The following STARD13 variants were observed in gnomAD, a reference collection of about 807,000 sequenced individuals.
The protein encoded by STARD13 is StAR related lipid transfer domain containing 13.
STARD13 carries 62 observed loss-of-function variants against 106.4 expected under a neutral mutation model. The observed-to-expected ratio is 0.58, with a 90% CI of 0.48 to 0.72. The LOEUF is 0.72. Ranked by LOEUF, STARD13 falls within the 30% of genes least tolerant of loss-of-function variation. STARD13 has a pLI of 0.00. For missense variants in STARD13, 1,387 were observed against 1,424.0 expected, an observed-to-expected ratio of 0.97 and a Z score of 0.42; for synonymous variants, 565 against 553.0, an observed-to-expected ratio of 1.02 and a Z score of -0.31.
chr13:33,645,744 G>C, the STARD13 span, among the ~76,000 whole-genome samples: 1 of 152,196 alleles, frequency 6.6e-6, no homozygotes, highest in African/African-American at 2.4e-5. Flanking sequence ...TGGCTTTAGA[G>C]TGGGGTGGCA....
At chr13:33,225,086 T>C (rs997549063) in intron 1 of STARD13, among the ~76,000 whole-genome samples, 3 of 152,196 alleles carry the variant, frequency 2.0e-5, no homozygotes, top group Non-Finnish European at 4.4e-5. Context: ...AAAATAGATA[T>C]ATTTCTTTCT....
chr13:33,370,599 TTTTCTTTC>T, the STARD13 span, among the ~76,000 whole-genome samples: 5 of 151,192 alleles, frequency 3.3e-5, no homozygotes, highest in Non-Finnish European at 7.4e-5. Context: ...CTTTCTTTTC[TTTTCTTTC>T]TTTCTTTCTT....
At chr13:33,576,401 CT>C in the STARD13 span, among the ~76,000 whole-genome samples, 113 of 143,960 alleles carry the variant, frequency 7.8e-4, no homozygotes, top group Non-Finnish European at 6.8e-4. Flanking sequence ...TGTAATTTTT[CT>C]TTTTTTTTTT....
chr13:33,381,655 G>A, the STARD13 span, among the ~76,000 whole-genome samples: 3 of 152,096 alleles, frequency 2.0e-5, no homozygotes, highest in African/African-American at 4.8e-5. Flanking sequence ...CAGGAGAATC[G>A]CTTGAACCCA....
At chr13:33,428,753 C>T in the STARD13 span, among the ~76,000 whole-genome samples, 8 of 152,116 alleles carry the variant, frequency 5.3e-5, no homozygotes, top group Non-Finnish European at 8.8e-5. Flanking sequence ...TGCAAACTAT[C>T]CCTCTGATAA....
At chr13:33,512,721 G>A in the STARD13 span, among the ~76,000 whole-genome samples, 7 of 151,976 alleles carry the variant, frequency 4.6e-5, no homozygotes, top group Admixed American at 2.0e-4. Context: ...CACCTGCCTC[G>A]GACTCTCAAA....
intron 1 of STARD13, among the ~76,000 whole-genome samples, chr13:33,341,636 C>A (rs371663623): frequency 3.2e-4 from 49 of 152,020 alleles, no homozygotes; most frequent in African/African-American, 1.2e-3. Context: ...TTCAGCGAAC[C>A]AGCTGGGCTT....
chr13:33,226,157 AACT>A (rs1888614430), intron 1 of STARD13, among the ~76,000 whole-genome samples: 1 of 152,256 alleles, frequency 6.6e-6, no homozygotes, highest in Non-Finnish European at 1.5e-5. Flanking sequence ...CATCCTCCAG[AACT>A]GTGAGAAAAC....
chr13:33,662,193 C>T, the STARD13 span, among the ~76,000 whole-genome samples: 12 of 149,730 alleles, frequency 8.0e-5, no homozygotes, highest in South Asian at 2.1e-4. Context: ...ACCCCGGAGG[C>T]GGAGCTTGCA....
the STARD13 span, among the ~76,000 whole-genome samples, chr13:33,525,492 T>C: frequency 6.6e-6 from 1 of 152,052 alleles, no homozygotes; most frequent in African/African-American, 2.4e-5. Context: ...CAAATAAAAT[T>C]ATTTAAAAAT....
At chr13:33,492,056 G>A in the STARD13 span, among the ~76,000 whole-genome samples, 1 of 152,172 alleles carries the variant, frequency 6.6e-6, no homozygotes, top group Non-Finnish European at 1.5e-5. Context: ...GGCAGGGGTG[G>A]GGGTCACAAG....
the STARD13 span, among the ~76,000 whole-genome samples, chr13:33,400,562 G>A: frequency 9.9e-5 from 15 of 151,658 alleles, no homozygotes; most frequent in Non-Finnish European, 1.6e-4. Context: ...CCAGGTTCAC[G>A]CCATTCTCCC....
the STARD13 span, among the ~76,000 whole-genome samples, chr13:33,356,821 T>A: frequency 6.6e-6 from 1 of 152,182 alleles, no homozygotes; most frequent in Admixed American, 6.5e-5. Flanking sequence ...AAGTCACTCA[T>A]GAGAATTATA....
intron 1 of STARD13, among the ~76,000 whole-genome samples, chr13:33,200,859 A>G: frequency 6.6e-6 from 1 of 151,582 alleles, no homozygotes. Flanking sequence ...TCTCTACTAA[A>G]AAAAAAAATA....
At chr13:33,259,893 A>G (rs555760695) in intron 1 of STARD13, among the ~76,000 whole-genome samples, 106 of 151,762 alleles carry the variant, frequency 7.0e-4, no homozygotes, top group African/African-American at 2.5e-3. Context: ...GCTACTCAGG[A>G]AGCTAAGGCA....
chr13:33,442,377 G>A, the STARD13 span, among the ~76,000 whole-genome samples: 1 of 151,960 alleles, frequency 6.6e-6, no homozygotes, highest in Non-Finnish European at 1.5e-5. Context: ...AATAATCCTT[G>A]GCACAATAAC....
the STARD13 span, among the ~76,000 whole-genome samples, chr13:33,542,416 A>AC: frequency 6.6e-6 from 1 of 152,198 alleles, no homozygotes; most frequent in Non-Finnish European, 1.5e-5. Flanking sequence ...CAGAAACCCA[A>AC]ACCCCGTGGG....
At chr13:33,359,534 G>A in the STARD13 span, 297 of 172,742 alleles carry the variant, frequency 1.7e-3, 1 homozygote, top group African/African-American at 6.2e-3. Context: ...ACACAATGGC[G>A]TACACCTGTA....
the STARD13 span, among the ~76,000 whole-genome samples, chr13:33,503,104 G>T: frequency 1.3e-5 from 2 of 151,954 alleles, no homozygotes; most frequent in Non-Finnish European, 2.9e-5. Context: ...CCTGGTTTAG[G>T]CTTAGGAGGG....
Sources: allele counts gnomAD v4.1 joint callset (sites outside exome capture counted in the v4.1 genomes callset), GRCh38; gene constraint gnomAD v4.1.1; transcripts MANE v1.5; gene names NCBI Gene and HGNC (gene_info 2026-07-23, HGNC 2026-07-21).